DGKQ: variants seen among roughly 807,000 people sequenced by gnomAD.
The protein encoded by DGKQ is diacylglycerol kinase theta, also known as DAG kinase theta.
Under a neutral mutation model 104.2 loss-of-function variants are expected in DGKQ, and 97 were observed. That is an observed-to-expected ratio of 0.93 (90% CI 0.79 to 1.10). The LOEUF is 1.10. Ranked by LOEUF, DGKQ falls within the 50% of genes least tolerant of loss-of-function variation. DGKQ has a pLI of 0.00. For synonymous variants in DGKQ, 736 were observed against 595.2 expected, an observed-to-expected ratio of 1.24 and a Z score of -3.44; for missense variants, 1,465 against 1,352.1, an observed-to-expected ratio of 1.08 and a Z score of -1.31.
At chr4:966,352 C>G in intron 12 of DGKQ, 114 bp downstream of exon 12, 1 of 1,225,390 alleles carries the variant, frequency 8.2e-7, no homozygotes. Flanking sequence ...TCAGCCAGGA[C>G]AGCCGCTGCC....
At chr4:966,363 T>C in intron 12 of DGKQ, 103 bp downstream of exon 12, 2 of 1,324,194 alleles carry the variant, frequency 1.5e-6, no homozygotes, top group Non-Finnish European at 2.1e-6. Context: ...AGCCGCTGCC[T>C]AGCCAAGGAG....
intron 18 of DGKQ, 65 bp downstream of exon 18, chr4:962,370 G>T: frequency 1.4e-6 from 2 of 1,451,108 alleles, no homozygotes; most frequent in Non-Finnish European, 1.8e-6. Context: ...GACGCCCGTT[G>T]TGACGCGTGT....
rs909743257 is a variant in DGKQ, at chr4:968,304, C to A, written c.641G>T (p.Arg214Leu). The A allele has an allele frequency of 6.6e-7, 1 of 1,525,442 alleles. No individual in the cohort carries two copies. Among genetic ancestry groups the A allele is most frequent in the Middle Eastern group, 2.3e-4 (1 of 4,340 alleles). 94.5% of individuals were successfully genotyped at this position (1,525,442 alleles called of 1,614,324 possible). ...CGSSDVLAGV[R>L]CEWCGVQAHS... ...CACCTGGACCCCGCACCACTCGCAGCGCACGCCGGCCAGCACGTCAGAGGA... is the reference window on the plus strand; with the variant it reads ...CACCTGGACCCCGCACCACTCGCAGAGCACGCCGGCCAGCACGTCAGAGGA... The change falls in exon 5 of 23, where the codon CGC becomes CTC. Residue 214 changes from arginine (R) to leucine (L), a missense_variant. Transcript: ENST00000273814.
chr4:964,263 G>A (rs946768294), intron 15 of DGKQ, among the ~76,000 whole-genome samples: 4 of 152,216 alleles, frequency 2.6e-5, no homozygotes, highest in African/African-American at 9.6e-5. Flanking sequence ...GGGAGCCACA[G>A]GCATCTCCCG....
At chr4:969,515 C>G (rs1347215172) in intron 2 of DGKQ, among the ~76,000 whole-genome samples, 2 of 152,270 alleles carry the variant, frequency 1.3e-5, no homozygotes, top group African/African-American at 4.8e-5. Flanking sequence ...ACTTAAACCA[C>G]ACCCGATAAA....
In DGKQ at chr4:966,459, C is replaced by T. The variant is rs888943433; in HGVS notation, c.1428+7G>A. On this transcript the variant is annotated splice_region_variant and intron_variant, in intron 12 of 22. Transcript: ENST00000273814. ...TTCCCTGGGGGCCGGCGTCCACACC[C>T]ACTCACCTGCCGGATGTCCTGTAGC... 1 of 1,612,250 alleles carries T rather than the reference C, an allele frequency of 6.2e-7. No homozygotes were observed. The highest frequency in any genetic ancestry group is 8.5e-7 in the Non-Finnish European group (1 of 1,179,574).
rs1711752619 is a variant in DGKQ, at chr4:959,925, G to T, written c.*695C>A. On this transcript the variant is annotated 3_prime_UTR_variant, in exon 23 of 23. Transcript: ENST00000273814. ...TCTCCTCCCCAAGCAGAGGCACTAG[G>T]AAAGGGCCACCAGGTCCAGCTGGGC... 2 of 152,230 alleles carry T rather than the reference G, an allele frequency of 1.3e-5. No individual in the cohort carries two copies. Among genetic ancestry groups the T allele is most frequent in the African/African-American group, 4.8e-5 (2 of 41,436 alleles). 9.4% of individuals were successfully genotyped at this position (152,230 alleles called of 1,614,324 possible).
At position 961,688 on chromosome 4, in the gene DGKQ, C is replaced by G. The variant is rs1186686896; in HGVS notation, c.2462G>C (p.Ser821Thr). Reference protein sequence around the residue: ...IEGLIFINIPSWGSGADLWGS... With the variant: ...IEGLIFINIPTWGSGADLWGS... ...TCTGGGGAGCCCCGCCCGCGAGCAC[C>G]TGGGGATGTTGATGAAGATGAGGCC... The change falls in exon 20 of 23, where the codon AGC becomes ACC. Residue 821 changes from serine (S) to threonine (T), a missense_variant and splice_region_variant. Ser to Thr is a moderately conservative substitution (Grantham distance 58). Transcript: ENST00000273814. The G allele has an allele frequency of 6.2e-7, 1 of 1,612,526 alleles. No individual in the cohort carries two copies.
In DGKQ at chr4:960,842, G is replaced by A. The variant is rs1224635353; in HGVS notation, c.2728-121C>T. ...GCCATCTCAGCCCCATTTCACGGAA[G>A]GGGAGGGACCTGTCTGGCTGCTCCC... On this transcript the variant is annotated intron_variant, in intron 22 of 22. Transcript: ENST00000273814. The A allele has an allele frequency of 3.3e-6, 5 of 1,494,626 alleles. No individual in the cohort carries two copies. The Admixed American group carries it at 1.1e-4, about 31-fold the overall frequency. 92.6% of individuals were successfully genotyped at this position (1,494,626 alleles called of 1,614,324 possible).
rs201330133 is a variant in DGKQ, at chr4:966,545, C to T, written c.1367-18G>A. On this transcript the variant is annotated intron_variant, in intron 11 of 22. Transcript: ENST00000273814. ...CCGCTGGACTGCAGAGGTGAGGGCA[C>T]AGGCCGTCAGCACCCGGCTCCTCGC... 2 of 1,608,200 alleles carry T rather than the reference C, an allele frequency of 1.2e-6. No homozygotes were observed. The highest frequency in any genetic ancestry group is 8.5e-7 in the Non-Finnish European group (1 of 1,176,908).
rs779402758 is a variant in DGKQ at position 967,617 on chromosome 4, C to T, written c.919G>A (p.Asp307Asn). The part of the protein sequence containing the change: ...KQTLKIFDGD[D>N]AVRRSQFRLV... ...CGGAACTGGCTTCTTCTCACCGCGT[C>T]GTCGCCATCAAAGATCTTCAGCGTT... Residue 307 changes from aspartate (D) to asparagine (N), a missense_variant, in exon 8 of 23, where the codon GAC becomes AAC. By Grantham distance (23) the Asp-to-Asn change is conservative. Transcript: ENST00000273814. 24 of 1,612,690 alleles carry T rather than the reference C, an allele frequency of 1.5e-5. No homozygotes were observed. The highest frequency in any genetic ancestry group is 1.9e-5 in the Non-Finnish European group (23 of 1,179,876).
At chr4:970,287 G>A (rs1433972881) in intron 2 of DGKQ, among the ~76,000 whole-genome samples, 2 of 152,272 alleles carry the variant, frequency 1.3e-5, no homozygotes, top group Admixed American at 1.3e-4. Context: ...AACGCATCAG[G>A]GAATGCGGAC....
At position 961,033 on chromosome 4, in the gene DGKQ, G is replaced by A; in HGVS notation, c.2727+16C>T. On this transcript the variant is annotated intron_variant, in intron 22 of 22. Coordinates refer to ENST00000273814, the MANE Select transcript of DGKQ (RefSeq NM_001347.4). ...CCGGCCCACCTCCCCTGGCTCTCCA[G>A]CCTCACCCCACATACCTTAGGGCCA... is the stretch of plus-strand genomic sequence containing the variant. The A allele has an allele frequency of 6.2e-7, 1 of 1,611,660 alleles. No individual in the cohort carries two copies. Among genetic ancestry groups the A allele is most frequent in the Non-Finnish European group, 8.5e-7 (1 of 1,179,400 alleles).
At chr4:967,100 C>T in intron 9 of DGKQ, 29 bp downstream of exon 9, 1 of 1,554,000 alleles carries the variant, frequency 6.4e-7, no homozygotes, top group Non-Finnish European at 8.7e-7. Context: ...CCCCGCCCAG[C>T]AGACCCTGAG....
chr4:973,440 C>T lies in DGKQ; in HGVS notation c.43G>A (p.Gly15Ser). The change falls in exon 1 of 23, where the codon GGC becomes AGC. Residue 15 changes from glycine (G) to serine (S), a missense_variant. Transcript: ENST00000273814. ...AEPGARAWLGGGSPRPGSPAC... is the reference protein window; with the variant it reads ...AEPGARAWLGSGSPRPGSPAC... The stretch of plus-strand genomic sequence containing the variant: ...GGGCTGCCGGGGCGCGGGGAGCCGC[C>T]GCCCAGCCAGGCGCGGGCCCCGGGC... 3.0e-6 allele frequency: 3 copies of T among 988,162 alleles called. No individual in the cohort carries two copies. The highest frequency in any genetic ancestry group is 3.6e-6 in the Non-Finnish European group (3 of 833,070). The allele number at this position is 988,162 out of a possible 1,614,324, so 61.2% of individuals were successfully genotyped here. A position where few individuals can be genotyped will look rare whatever the true frequency, so the allele number is the denominator to read the frequency against.
At chr4:972,839 C>T (rs1051626369) in intron 1 of DGKQ, among the ~76,000 whole-genome samples, 2 of 152,176 alleles carry the variant, frequency 1.3e-5, no homozygotes, top group Admixed American at 1.3e-4. Flanking sequence ...TGGGCCACAG[C>T]ATGAGAAGGG....
chr4:967,898 CGAT>C lies in DGKQ; in HGVS notation c.790_792del (p.Ile264del). 6.9e-7 allele frequency: 1 copy of C among 1,451,920 alleles called. No individual in the cohort carries two copies. The highest frequency in any genetic ancestry group is 9.0e-7 in the Non-Finnish European group (1 of 1,110,286). 89.9% of individuals were successfully genotyped at this position (1,451,920 alleles called of 1,614,324 possible). A position where few individuals can be genotyped will look rare whatever the true frequency, so the allele number is the denominator to read the frequency against. ...ACCTCACCCGGCTCCGCGGCCTCCA[CGAT>C]GCGGAAGCTCTGCGTCTTGCTGAAG... On this transcript the variant is annotated inframe_deletion, in exon 6 of 23. Coordinates refer to ENST00000273814, the MANE Select transcript of DGKQ (RefSeq NM_001347.4).
Position 962,814 on chromosome 4 carries a change from C to A in DGKQ, c.1993G>T (p.Ala665Ser). ...GALEETRYRL[A>S]CPEPSVAILP... is the part of the protein sequence containing the mutation. ...ATGGCCACAGAAGGCTCCGGGCAGG[C>A]CAGTCGGTACCGTGTCTCCTCCAGG... The change falls in exon 17 of 23, where the codon GCC becomes TCC. Residue 665 changes from alanine to serine, a missense_variant. Transcript: ENST00000273814. The A allele has an allele frequency of 6.2e-7, 1 of 1,605,784 alleles. No individual in the cohort carries two copies. The highest frequency in any genetic ancestry group is 8.5e-7 in the Non-Finnish European group (1 of 1,177,148).
Position 960,544 on chromosome 4 carries a change from G to C in DGKQ, c.*76C>G. 7.3e-7 allele frequency: 1 copy of C among 1,370,974 alleles called. No individual in the cohort carries two copies. Among genetic ancestry groups the C allele is most frequent in the South Asian group, 1.2e-5 (1 of 83,830 alleles). 84.9% of individuals were successfully genotyped at this position (1,370,974 alleles called of 1,614,324 possible). On this transcript the variant is annotated 3_prime_UTR_variant, in exon 23 of 23. Coordinates refer to ENST00000273814, the MANE Select transcript of DGKQ (RefSeq NM_001347.4). Reference sequence around the variant, plus strand: ...GGGCCGGCCACTGTGTGGACGTGGAGCTGCCTCCAGACCACCTGAAAACAA... The same window carrying C: ...GGGCCGGCCACTGTGTGGACGTGGACCTGCCTCCAGACCACCTGAAAACAA...
Sources: gnomAD v4.1 joint callset for allele counts (sites outside exome capture counted in the v4.1 genomes callset) on GRCh38, gnomAD v4.1.1 for gene constraint, MANE v1.5 for transcripts, NCBI Gene and HGNC (gene_info 2026-07-23, HGNC 2026-07-21) for gene names.